Variants in TUFT1 observed in about 807,000 individuals in gnomAD.
TUFT1 encodes tuftelin 1.
A neutral mutation model predicts 57.8 loss-of-function variants in TUFT1; 43 were observed. The ratio of observed to expected loss-of-function variants is 0.74; its 90% confidence interval spans 0.58 to 0.96. The LOEUF is 0.96. Ranked by LOEUF, TUFT1 falls within the 40% of genes least tolerant of loss-of-function variation. TUFT1 has a pLI of 0.00. For synonymous variants in TUFT1, 166 were observed against 176.7 expected (o/e 0.94, Z 0.48); for missense variants, 459 against 489.0 (o/e 0.94, Z 0.58).
chr1:151,564,694 G>A, intron 5 of TUFT1, 80 bp downstream of exon 5: 1 of 1,193,180 alleles, frequency 8.4e-7, no homozygotes, highest in Middle Eastern at 1.9e-4. Context: ...CAATTACCCA[G>A]TGTGTGCTAA....
rs770404821 is a variant in TUFT1, at chr1:151,566,267, AG to A, written c.480+43del. ...GACACCATGGTGGCTCCGCTTAGCC[AG>A]GGGCAGGATTGCCTCCTCCCCATCC... On this transcript the variant is annotated intron_variant, in intron 6 of 12. Transcript: ENST00000368849. The A allele has an allele frequency of 4.4e-6, 7 of 1,573,104 alleles. No individual in the cohort carries two copies. The East Asian group carries it at 9.0e-5, about 20-fold the overall frequency.
intron 9 of TUFT1, among the ~76,000 whole-genome samples, chr1:151,577,733 C>G (rs1666519209): frequency 6.6e-6 from 1 of 152,062 alleles, no homozygotes. Context: ...TATAATAATC[C>G]CAGCTCCAAC....
intron 9 of TUFT1, among the ~76,000 whole-genome samples, chr1:151,578,120 C>T (rs1181212770): frequency 6.6e-6 from 1 of 151,970 alleles, no homozygotes; most frequent in Non-Finnish European, 1.5e-5. Flanking sequence ...TGAGACTGGC[C>T]ACTTTCTGAC....
In TUFT1 at chr1:151,560,957, TGTGTGTGTGTG is replaced by T. The variant is rs1372081433; in HGVS notation, c.61-1133_61-1123del. ...GTTTTTAATTTTCCCTGCAAAGTAT[TGTGTGTGTGTG>T]TGTGTGTGTGTGTGTGTGTGTGTGT... is the stretch of plus-strand genomic sequence containing the variant. On this transcript the variant is annotated intron_variant, in intron 1 of 12. Coordinates refer to ENST00000368849, the MANE Select transcript of TUFT1 (RefSeq NM_020127.3). Among the ~76,000 whole-genome samples, 6 of 8,760 alleles carry T rather than the reference TGTGTGTGTGTG, an allele frequency of 6.8e-4. No homozygotes were observed. The East Asian group carries it at 0.026, about 38-fold the overall frequency. 5.7% of individuals were successfully genotyped at this position (8,760 alleles called of 152,430 possible).
intron 1 of TUFT1, chr1:151,545,676 T>G: frequency 2.9e-6 from 1 of 348,322 alleles, no homozygotes. Context: ...TTGCTCCTCC[T>G]CATTATGCTG....
At chr1:151,550,160 C>A (rs1665465986) in intron 1 of TUFT1, among the ~76,000 whole-genome samples, 1 of 151,910 alleles carries the variant, frequency 6.6e-6, no homozygotes, top group Non-Finnish European at 1.5e-5. Flanking sequence ...GCCTCCCAGG[C>A]AACTGGGATT....
At position 151,564,917 on chromosome 1, in the gene TUFT1, A is replaced by C. The variant is rs556595866; in HGVS notation, c.414+303A>C. ...GTTAGCAAACCTCTTATCTATAAGG[A>C]TTCTGTGATCAAGCTTCTTATAATA... is the stretch of plus-strand genomic sequence containing the variant. On this transcript the variant is annotated intron_variant, in intron 5 of 12. Transcript: ENST00000368849. 9.4e-5 allele frequency: 19 copies of C among 201,336 alleles called. 1 individual carries two copies. The South Asian group carries it at 2.4e-3, about 25-fold the overall frequency. The allele number at this position is 201,336 out of a possible 1,614,324, so 12.5% of individuals were successfully genotyped here.
rs1666584649 is a variant in TUFT1 at position 151,579,723 on chromosome 1, G to A, written c.999G>A (p.Leu333=). Residue 333 remains leucine (L), a synonymous_variant, in exon 11 of 13, where the codon CTG becomes CTA. Transcript: ENST00000368849. ...IQELKEKIAY[L]EAENLEMHDR... ...AGCTCAAGGAGAAAATCGCCTATCTGGAGGCAGAGGTGTGTGTGCTGGGCA... is the reference window on the plus strand; with the variant it reads ...AGCTCAAGGAGAAAATCGCCTATCTAGAGGCAGAGGTGTGTGTGCTGGGCA... 2 of 1,613,672 alleles carry A rather than the reference G, an allele frequency of 1.2e-6. No homozygotes were observed. The highest frequency in any genetic ancestry group is 1.7e-6 in the Non-Finnish European group (2 of 1,179,816).
intron 1 of TUFT1, 73 bp downstream of exon 1, chr1:151,540,499 G>T: frequency 3.2e-6 from 5 of 1,569,424 alleles, no homozygotes; most frequent in Non-Finnish European, 4.4e-6. Flanking sequence ...TCCGTGCCCC[G>T]CGCCGTGTTG....
chr1:151,562,671 T>C lies in TUFT1; in HGVS notation c.222T>C (p.His74=), dbSNP rs763895274. ...AACTGGTGGAGTCCCATGATGGACA[T>C]GAGGAGATCATTAAGGTAAGCTTAG... ...ASELVESHDG[H]EEIIKVYLKG... Residue 74 remains histidine, a synonymous_variant, in exon 3 of 13, where the codon CAT becomes CAC. Transcript: ENST00000368849. 9 of 1,613,364 alleles carry C rather than the reference T, an allele frequency of 5.6e-6. No individual in the cohort carries two copies. The highest frequency in any genetic ancestry group is 1.7e-5 in the Admixed American group (1 of 60,016).
chr1:151,581,431 C>T (rs1275456855), intron 12 of TUFT1, among the ~76,000 whole-genome samples: 1 of 152,152 alleles, frequency 6.6e-6, no homozygotes, highest in Non-Finnish European at 1.5e-5. Context: ...CTCTTTTCTT[C>T]ACCCTTGCTA....
intron 1 of TUFT1, chr1:151,557,308 T>A (rs1436682113): frequency 1.4e-5 from 7 of 486,898 alleles, no homozygotes; most frequent in Non-Finnish European, 2.2e-5. Flanking sequence ...TATAATATTA[T>A]CATATTTAAA....
intron 1 of TUFT1, among the ~76,000 whole-genome samples, chr1:151,546,976 A>G (rs908841053): frequency 3.3e-5 from 5 of 152,182 alleles, no homozygotes; most frequent in African/African-American, 9.7e-5. Flanking sequence ...AGAGGACTGA[A>G]TGTATTCTAA....
chr1:151,562,599 C>T lies in TUFT1; in HGVS notation c.150C>T (p.Thr50=), dbSNP rs1321340518. The T allele has an allele frequency of 2.5e-6, 4 of 1,612,262 alleles. No homozygotes were observed. Among genetic ancestry groups the T allele is most frequent in the Non-Finnish European group, 3.4e-6 (4 of 1,179,866 alleles). ...TCTTTGGCCAGGCGGGCAGGAAGACCTATGCCATGGTGTCCAGCCACTCAG... is the reference window on the plus strand; with the variant it reads ...TCTTTGGCCAGGCGGGCAGGAAGACTTATGCCATGGTGTCCAGCCACTCAG... ...EHIAQKAGRK[T]YAMVSSHSAG... is the part of the protein sequence containing the mutation. Residue 50 remains threonine, a synonymous_variant, in exon 3 of 13, where the codon ACC becomes ACT. Coordinates refer to ENST00000368849, the MANE Select transcript of TUFT1 (RefSeq NM_020127.3).
At chr1:151,562,546 C>CTT in intron 2 of TUFT1, 39 bp from the exon 3 acceptor site, 1 of 620,860 alleles carries the variant, frequency 1.6e-6, no homozygotes, top group Non-Finnish European at 2.2e-6. Flanking sequence ...TCTGAGCCAT[C>CTT]TCTCTCTCTC....
At chr1:151,563,201 T>A (rs1042311545) in intron 3 of TUFT1, among the ~76,000 whole-genome samples, 3 of 152,158 alleles carry the variant, frequency 2.0e-5, no homozygotes, top group South Asian at 2.1e-4. Context: ...ACTTATTTTT[T>A]AAAAAATAAA....
chr1:151,579,385 G>C (rs1251215985), intron 10 of TUFT1, among the ~76,000 whole-genome samples: 1 of 152,070 alleles, frequency 6.6e-6, no homozygotes, highest in Non-Finnish European at 1.5e-5. Context: ...AAAATAATTT[G>C]TATTTTCCAA....
At chr1:151,570,466 G>T (rs1281335803) in intron 7 of TUFT1, among the ~76,000 whole-genome samples, 3 of 152,054 alleles carry the variant, frequency 2.0e-5, no homozygotes, top group Non-Finnish European at 4.4e-5. Flanking sequence ...GTTTTTAGAA[G>T]AGACGGGGTT....
At chr1:151,548,305 CTTTTTT>C (rs11435666) in intron 1 of TUFT1, among the ~76,000 whole-genome samples, 2 of 130,560 alleles carry the variant, frequency 1.5e-5, no homozygotes, top group South Asian at 2.4e-4. Context: ...TTTTTCTTTT[CTTTTTT>C]TTTTTTTTTT....
Sources: allele counts gnomAD v4.1 joint callset (sites outside exome capture counted in the v4.1 genomes callset), GRCh38; gene constraint gnomAD v4.1.1; transcripts MANE v1.5; gene names NCBI Gene and HGNC (gene_info 2026-07-23, HGNC 2026-07-21).